TBC1D32: variants seen among roughly 807,000 people sequenced by gnomAD.
TBC1D32 encodes the protein TBC1 domain family member 32.
TBC1D32 carries 151 observed loss-of-function variants against 170.3 expected under a neutral mutation model. That is an observed-to-expected ratio of 0.89 (90% CI 0.78 to 1.01). The LOEUF (loss-of-function observed/expected upper bound fraction) is 1.01. Among genes scored for constraint, TBC1D32 ranks in the 50% least tolerant of loss-of-function variants. TBC1D32 has a pLI of 0.00. For missense variants in TBC1D32, 1,464 were observed against 1,457.1 expected (o/e 1.00, Z -0.08); for synonymous variants, 498 against 488.0 (o/e 1.02, Z -0.27).
At chr6:121,220,640 C>CTTTTTTTTTTTTTTTTTTTTTTTTTTTTT (rs923251281) in intron 21 of TBC1D32, among the ~76,000 whole-genome samples, 1 of 126,210 alleles carries the variant, frequency 7.9e-6, no homozygotes, top group Non-Finnish European at 1.6e-5. Context: ...TTTTCTTTTT[C>CTTTTTTTTTTTTTTTTTTTTTTTTTTTTT]TTTTTTTTTT....
chr6:121,115,298 AT>A (rs1329191824), intron 26 of TBC1D32, 57 bp from the exon 27 acceptor site: 2 of 1,282,094 alleles, frequency 1.6e-6, no homozygotes, highest in Non-Finnish European at 1.1e-6. Flanking sequence ...TAATAATCAC[AT>A]TTTAATTGAA....
At position 121,256,260 on chromosome 6, in the gene TBC1D32, G is replaced by C. The variant is rs762159947; in HGVS notation, c.1759C>G (p.Gln587Glu). Residue 587 changes from glutamine (Q) to glutamate (E), a missense_variant, in exon 16 of 32, where the codon CAG becomes GAG. By Grantham distance (29) the Gln-to-Glu change is conservative. Around this residue, in one of 3 missense-constraint regions of TBC1D32, gnomAD observed 1,363 missense variants for 1,338.1 expected, o/e 1.02. Transcript: ENST00000398212. ...TCATCGAGAAGTTTTTTCGAAAACTGGGCAATTATATGAGCACCTGTAGGA... is the reference window on the plus strand; with the variant it reads ...TCATCGAGAAGTTTTTTCGAAAACTCGGCAATTATATGAGCACCTGTAGGA... ...ESPTGAHIIA[Q>E]FSKKLLDEDI... 3.1e-6 allele frequency: 5 copies of C among 1,613,124 alleles called. No homozygotes were observed. The South Asian group carries it at 4.4e-5, about 14-fold the overall frequency.
intron 15 of TBC1D32, among the ~76,000 whole-genome samples, chr6:121,272,770 A>C (rs754870572): frequency 1.3e-5 from 2 of 152,232 alleles, no homozygotes; most frequent in African/African-American, 4.8e-5. Flanking sequence ...TATATACCCA[A>C]AGGATTATAA....
At chr6:121,111,738 A>T (rs550691049) in intron 29 of TBC1D32, among the ~76,000 whole-genome samples, 2 of 152,292 alleles carry the variant, frequency 1.3e-5, no homozygotes, top group East Asian at 3.9e-4. Context: ...TATTTTCCTT[A>T]TCACAAATAT....
Position 121,292,941 on chromosome 6 carries a change from G to A in TBC1D32, c.1232-748C>T, listed in dbSNP as rs188182808. On this transcript the variant is annotated intron_variant, in intron 11 of 31. Transcript: ENST00000398212. ...GGAACGCTGAAGAAAGAACATCTAG[G>A]AGGATTCCAAAGCAACAGAGAGAGA... Among the ~76,000 whole-genome samples the A allele has an allele frequency of 5.9e-5, 9 of 152,202 alleles. No homozygotes were observed. The East Asian group carries it at 1.7e-3, about 29-fold the overall frequency.
At chr6:121,223,161 G>T in intron 21 of TBC1D32, 75 bp downstream of exon 21, 7 of 947,982 alleles carry the variant, frequency 7.4e-6, no homozygotes, top group South Asian at 3.5e-5. Context: ...TCTCTTTTTG[G>T]TCAAATTACC....
chr6:121,293,261 AG>A (rs1805139778), intron 11 of TBC1D32, among the ~76,000 whole-genome samples: 1 of 151,104 alleles, frequency 6.6e-6, no homozygotes, highest in Non-Finnish European at 1.5e-5. Flanking sequence ...TCAAGAAATT[AG>A]AAAAATCTGT....
At chr6:121,155,412 G>C (rs1665734223) in intron 24 of TBC1D32, among the ~76,000 whole-genome samples, 1 of 151,986 alleles carries the variant, frequency 6.6e-6, no homozygotes, top group South Asian at 2.1e-4. Context: ...GAATCCTAGG[G>C]TTTTCTATGT....
Position 121,080,743 on chromosome 6 carries a change from C to T in TBC1D32, c.*28G>A. The T allele has an allele frequency of 1.3e-6, 2 of 1,590,362 alleles. No individual in the cohort carries two copies. Among genetic ancestry groups the T allele is most frequent in the Non-Finnish European group, 1.7e-6 (2 of 1,171,014 alleles). ...CTGCTGTGTTTAAAAATAAATAAAA[C>T]CTAAATTTAAACCGTGTGTCTCATG... On this transcript the variant is annotated 3_prime_UTR_variant, in exon 32 of 32. Transcript: ENST00000398212.
intron 26 of TBC1D32, among the ~76,000 whole-genome samples, chr6:121,115,981 T>C (rs1169955282): frequency 2.6e-5 from 4 of 152,114 alleles, no homozygotes; most frequent in Non-Finnish European, 4.4e-5. Flanking sequence ...CAGTGAACCC[T>C]CAAAGGCACA....
chr6:121,265,252 C>G (rs767298112), intron 15 of TBC1D32, among the ~76,000 whole-genome samples: 1 of 152,080 alleles, frequency 6.6e-6, no homozygotes, highest in Non-Finnish European at 1.5e-5. Flanking sequence ...AAATCAGAAC[C>G]ATTACTATAC....
chr6:121,085,347 A>G (rs984164108), intron 31 of TBC1D32, among the ~76,000 whole-genome samples: 1 of 113,032 alleles, frequency 8.8e-6, no homozygotes, highest in Non-Finnish European at 1.6e-5. Flanking sequence ...ATATATATAC[A>G]TACATATATA....
At chr6:121,334,227 CTCTCTGGATCGATGGT>C (rs1390577094) in intron 1 of TBC1D32, 33 bp downstream of exon 1, 1 of 1,524,336 alleles carries the variant, frequency 6.6e-7, no homozygotes, top group Non-Finnish European at 9.0e-7. Flanking sequence ...TCTCTGGACC[CTCTCTGGATCGATGGT>C]TTATAGGCTT....
intron 3 of TBC1D32, among the ~76,000 whole-genome samples, chr6:121,312,662 G>A (rs1808378680): frequency 6.6e-6 from 1 of 152,122 alleles, no homozygotes; most frequent in Non-Finnish European, 1.5e-5. Flanking sequence ...ACAACAGAAA[G>A]TCCAGATGTC....
At chr6:121,197,773 G>A (rs1390841586) in intron 22 of TBC1D32, among the ~76,000 whole-genome samples, 1 of 152,112 alleles carries the variant, frequency 6.6e-6, no homozygotes, top group Non-Finnish European at 1.5e-5. Context: ...GACTTGTGAT[G>A]GTTAATACTG....
intron 15 of TBC1D32, among the ~76,000 whole-genome samples, chr6:121,263,887 A>G (rs1417045533): frequency 6.6e-6 from 1 of 152,200 alleles, no homozygotes; most frequent in Non-Finnish European, 1.5e-5. Context: ...CTTTGAAGCC[A>G]ATGAAAACAA....
At chr6:121,119,485 C>A (rs1267761626) in intron 26 of TBC1D32, among the ~76,000 whole-genome samples, 1 of 151,812 alleles carries the variant, frequency 6.6e-6, no homozygotes, top group African/African-American at 2.4e-5. Flanking sequence ...GTGAAACAAG[C>A]AAAATGTTGA....
At chr6:121,175,977 A>C (rs1406129889) in intron 22 of TBC1D32, among the ~76,000 whole-genome samples, 1 of 152,248 alleles carries the variant, frequency 6.6e-6, no homozygotes, top group Non-Finnish European at 1.5e-5. Context: ...ACACTGGTTG[A>C]ATACCTACTA....
At chr6:121,252,995 T>TA (rs1404553997) in intron 17 of TBC1D32, among the ~76,000 whole-genome samples, 4 of 152,100 alleles carry the variant, frequency 2.6e-5, no homozygotes, top group Non-Finnish European at 4.4e-5. Flanking sequence ...CATGAAATCA[T>TA]AAAAATTCTA....
Sources: gnomAD v4.1 joint callset for allele counts (sites outside exome capture counted in the v4.1 genomes callset) on GRCh38, gnomAD v4.1.1 for gene constraint, gnomAD v4.1.1 regional missense constraint, MANE v1.5 for transcripts, NCBI Gene and HGNC (gene_info 2026-07-23, HGNC 2026-07-21) for gene names.